The following CPED1 variants were observed in gnomAD, a reference collection of about 807,000 sequenced individuals.
CPED1 encodes cadherin like and PC-esterase domain containing 1, also known as cadherin-like and PC-esterase domain-containing protein 1.
A neutral mutation model predicts 128.2 loss-of-function variants in CPED1; 114 were observed. The ratio of observed to expected loss-of-function variants is 0.89; its 90% CI spans 0.76 to 1.04. The LOEUF (loss-of-function observed/expected upper bound fraction) is 1.04, where lower values mean the gene tolerates loss of function less well. CPED1 is among the 50% of genes least tolerant of loss of function. The pLI is 0.00. For synonymous variants in CPED1, 462 were observed against 426.7 expected, an observed-to-expected ratio of 1.08 and a Z score of -1.02; for missense variants, 1,211 against 1,207.1, an observed-to-expected ratio of 1.00 and a Z score of -0.05.
chr7:121,098,527 T>C (rs1318889227), intron 6 of CPED1, among the ~76,000 whole-genome samples: 1 of 151,546 alleles, frequency 6.6e-6, no homozygotes, highest in African/African-American at 2.4e-5. Flanking sequence ...AGCCCAGTAG[T>C]TCAAGACCAG....
Position 121,099,862 on chromosome 7 carries a change from AT to A in CPED1, c.750-61del. On this transcript the variant is annotated intron_variant, in intron 6 of 22. Transcript: ENST00000310396. ...AAGCAGTTTACAAAGCTTGTAGGTA[AT>A]TTACAAATTATGTACTCAACCCTAC... The A allele has an allele frequency of 2.0e-6, 3 of 1,533,518 alleles. No individual in the cohort carries two copies. The Admixed American group carries it at 5.6e-5, about 29-fold the overall frequency. The allele number at this position is 1,533,518 out of a possible 1,614,324, so 95.0% of individuals were successfully genotyped here.
chr7:121,076,262 C>T (rs1794122148), intron 5 of CPED1, among the ~76,000 whole-genome samples: 1 of 152,068 alleles, frequency 6.6e-6, no homozygotes, highest in Non-Finnish European at 1.5e-5. Context: ...TAGGATAAAT[C>T]AAAAATATAA....
chr7:121,015,916 C>T (rs1310635968), intron 3 of CPED1, 68 bp downstream of exon 3: 32 of 1,123,380 alleles, frequency 2.8e-5, no homozygotes, highest in Middle Eastern at 2.4e-4. Flanking sequence ...CTAGAATGTG[C>T]TACTATCTCC....
chr7:120,997,927 AAAAAT>A (rs139357762), intron 2 of CPED1, among the ~76,000 whole-genome samples: 96,318 of 130,480 alleles, frequency 0.74, 36,438 homozygotes, highest in Admixed American at 0.8. Context: ...GGTCTCGAAA[AAAAAT>A]AAAATAAAAT....
At chr7:121,078,682 G>A (rs1278089077) in intron 5 of CPED1, among the ~76,000 whole-genome samples, 2 of 152,068 alleles carry the variant, frequency 1.3e-5, no homozygotes, top group Non-Finnish European at 2.9e-5. Flanking sequence ...TCCCTGTTCA[G>A]AAATGCAGCC....
chr7:121,286,801 G>A (rs1370792984), intron 22 of CPED1, among the ~76,000 whole-genome samples: 1 of 152,130 alleles, frequency 6.6e-6, no homozygotes, highest in African/African-American at 2.4e-5. Flanking sequence ...TACACCTGGT[G>A]TATTAGTCCA....
chr7:121,005,168 G>A (rs566735324), intron 2 of CPED1, among the ~76,000 whole-genome samples: 4 of 152,298 alleles, frequency 2.6e-5, no homozygotes, highest in Admixed American at 6.5e-5. Flanking sequence ...TTATGAGCGA[G>A]AACATGTGGA....
rs1282495810 is a variant in CPED1 at position 121,127,209 on chromosome 7, C to T, written c.1254C>T (p.Ser418=). 6.3e-7 allele frequency: 1 copy of T among 1,592,592 alleles called. No homozygotes were observed. The highest frequency in any genetic ancestry group is 1.7e-5 in the Admixed American group (1 of 59,302). ...TCTTCCCTAATGAATCATCACTTTC[C>T]ATATTTTCTGAGATATTTCAGAGAC... ...NFLFPNESSL[S]IFSEIFQRLY... Residue 418 remains serine, a synonymous_variant, in exon 10 of 23, where the codon TCC becomes TCT. Coordinates refer to ENST00000310396, the MANE Select transcript of CPED1 (RefSeq NM_024913.5).
chr7:121,227,286 A>G (rs901772030), intron 16 of CPED1, among the ~76,000 whole-genome samples: 1 of 151,958 alleles, frequency 6.6e-6, no homozygotes, highest in Non-Finnish European at 1.5e-5. Context: ...TTGATCCTAT[A>G]TACTGACAAT....
intron 2 of CPED1, among the ~76,000 whole-genome samples, chr7:120,991,866 T>G (rs1716016987): frequency 6.6e-6 from 1 of 152,178 alleles, no homozygotes; most frequent in African/African-American, 2.4e-5. Context: ...AGGAGCCCAG[T>G]GGATATGGAA....
chr7:121,002,750 C>A (rs1258964568), intron 2 of CPED1, among the ~76,000 whole-genome samples: 1 of 152,036 alleles, frequency 6.6e-6, no homozygotes, highest in Non-Finnish European at 1.5e-5. Context: ...ACTGTATTTG[C>A]GGAAATATAT....
At chr7:121,166,901 A>G (rs932736407) in intron 16 of CPED1, among the ~76,000 whole-genome samples, 5 of 152,162 alleles carry the variant, frequency 3.3e-5, no homozygotes, top group Admixed American at 2.6e-4. Context: ...TAGAGGGCAG[A>G]TAATTCCACT....
In CPED1 at chr7:120,990,621, T is replaced by G. The variant is rs535992661; in HGVS notation, c.249+751T>G. ...TATAATGACCTGTAACATAGTCAAGTGTAAAACAGAACATGAAGAAATAAA... is the reference window on the plus strand; with the variant it reads ...TATAATGACCTGTAACATAGTCAAGGGTAAAACAGAACATGAAGAAATAAA... On this transcript the variant is annotated intron_variant, in intron 2 of 22. Coordinates refer to ENST00000310396, the MANE Select transcript of CPED1 (RefSeq NM_024913.5). Among the ~76,000 whole-genome samples the G allele has an allele frequency of 1.4e-4, 22 of 152,074 alleles. No individual in the cohort carries two copies. The South Asian group carries it at 4.2e-3, about 29-fold the overall frequency.
intron 16 of CPED1, among the ~76,000 whole-genome samples, chr7:121,200,612 T>C (rs935859167): frequency 6.6e-6 from 1 of 152,128 alleles, no homozygotes; most frequent in Non-Finnish European, 1.5e-5. Context: ...ATATTTGGCT[T>C]ACTCTACACT....
At position 121,097,842 on chromosome 7, in the gene CPED1, C is replaced by T; in HGVS notation, c.749+11C>T. 3.7e-6 allele frequency: 6 copies of T among 1,613,244 alleles called. No homozygotes were observed. The highest frequency in any genetic ancestry group is 5.1e-6 in the Non-Finnish European group (6 of 1,179,482). On this transcript the variant is annotated intron_variant, in intron 6 of 22. Transcript: ENST00000310396. ...GAGTCGTGAACAGCTGTAAGCTAATCATTTTGAATTGTTATAACCAGCATG... is the reference window on the plus strand; with the variant it reads ...GAGTCGTGAACAGCTGTAAGCTAATTATTTTGAATTGTTATAACCAGCATG...
chr7:121,118,124 A>G (rs779077925), intron 7 of CPED1, among the ~76,000 whole-genome samples: 6 of 152,188 alleles, frequency 3.9e-5, no homozygotes, highest in Admixed American at 3.3e-4. Context: ...CCATGTTGCT[A>G]TAACTAAACC....
chr7:121,162,538 A>G (rs1263542106), intron 16 of CPED1, among the ~76,000 whole-genome samples: 1 of 152,250 alleles, frequency 6.6e-6, no homozygotes, highest in East Asian at 1.9e-4. Flanking sequence ...GAGAAGGGAT[A>G]CAATGACTAG....
At chr7:121,159,991 T>A (rs1235174421) in intron 16 of CPED1, among the ~76,000 whole-genome samples, 1 of 152,242 alleles carries the variant, frequency 6.6e-6, no homozygotes, top group East Asian at 1.9e-4. Context: ...GGGGTATTTT[T>A]GCATATATAA....
intron 5 of CPED1, among the ~76,000 whole-genome samples, chr7:121,066,005 G>C (rs1380878852): frequency 6.6e-6 from 1 of 152,028 alleles, no homozygotes; most frequent in Non-Finnish European, 1.5e-5. Flanking sequence ...CGTAGCTTTT[G>C]TTGTAGACTG....
Sources: gnomAD v4.1 joint callset for allele counts (sites outside exome capture counted in the v4.1 genomes callset) on GRCh38, gnomAD v4.1.1 for gene constraint, MANE v1.5 for transcripts, NCBI Gene and HGNC (gene_info 2026-07-23, HGNC 2026-07-21) for gene names.